HECTD2: variants seen among roughly 807,000 people sequenced by gnomAD.
The protein encoded by HECTD2 is probable E3 ubiquitin-protein ligase HECTD2.
In HECTD2, 35 loss-of-function variants were observed where a neutral mutation model predicts 103.2. The ratio of observed to expected loss-of-function variants is 0.34; its 90% confidence interval spans 0.26 to 0.45. The LOEUF (loss-of-function observed/expected upper bound fraction) is 0.45, where lower values mean the gene tolerates loss of function less well. Ranked by LOEUF, HECTD2 falls within the 20% of genes least tolerant of loss-of-function variation. HECTD2 has a pLI of 1.00. For missense variants in HECTD2, 596 were observed against 937.4 expected (o/e 0.64, Z 4.76); for synonymous variants, 281 against 329.9 (o/e 0.85, Z 1.61).
At chr10:91,462,398 T>C in intron 5 of HECTD2, 1 of 1,193,894 alleles carries the variant, frequency 8.4e-7, no homozygotes. Flanking sequence ...TATCCAATCC[T>C]TTTTTAGAAA....
At chr10:91,488,692 C>T (rs1386031614) in intron 11 of HECTD2, 2 of 152,076 alleles carry the variant, frequency 1.3e-5, no homozygotes, top group Non-Finnish European at 1.5e-5. Context: ...GTTTATTCTT[C>T]AGTAATTCAG....
intron 14 of HECTD2, among the ~76,000 whole-genome samples, chr10:91,495,921 T>C (rs1846647743): frequency 1.3e-5 from 2 of 152,174 alleles, no homozygotes; most frequent in South Asian, 4.1e-4. Flanking sequence ...GTAAAATAAT[T>C]ACAGGCAAGT....
chr10:91,413,475 T>A (rs1843002669), intron 1 of HECTD2, among the ~76,000 whole-genome samples: 1 of 152,200 alleles, frequency 6.6e-6, no homozygotes, highest in Non-Finnish European at 1.5e-5. Flanking sequence ...CACAGTAGAA[T>A]TAACTGAGAA....
intron 12 of HECTD2, among the ~76,000 whole-genome samples, chr10:91,492,051 T>G (rs888542288): frequency 6.6e-6 from 1 of 152,008 alleles, no homozygotes; most frequent in African/African-American, 2.4e-5. Context: ...GAAGGGGAGT[T>G]TTTTTTAAAA....
chr10:91,462,337 T>C (rs1339806076), intron 5 of HECTD2, 153 bp downstream of exon 5: 2 of 1,105,646 alleles, frequency 1.8e-6, no homozygotes, highest in Non-Finnish European at 2.4e-6. Flanking sequence ...TAAAGTTAGA[T>C]TATTTTATTC....
intron 7 of HECTD2, among the ~76,000 whole-genome samples, chr10:91,482,140 AT>A (rs1335966617): frequency 6.6e-6 from 1 of 151,812 alleles, no homozygotes; most frequent in Non-Finnish European, 1.5e-5. Flanking sequence ...CTCTGCTCAT[AT>A]TTTGTTCTTC....
chr10:91,419,111 G>A (rs1245256454), intron 1 of HECTD2, among the ~76,000 whole-genome samples: 1 of 151,972 alleles, frequency 6.6e-6, no homozygotes, highest in African/African-American at 2.4e-5. Context: ...TTCAAGGATT[G>A]GGTTAGAATG....
At chr10:91,454,444 T>TA (rs1332616009) in intron 2 of HECTD2, among the ~76,000 whole-genome samples, 1 of 151,996 alleles carries the variant, frequency 6.6e-6, no homozygotes, top group African/African-American at 2.4e-5. Context: ...CAAGGGAGGT[T>TA]AAAAAATCGA....
intron 14 of HECTD2, among the ~76,000 whole-genome samples, chr10:91,495,414 T>C (rs558263244): frequency 6.6e-6 from 1 of 152,184 alleles, no homozygotes; most frequent in South Asian, 2.1e-4. Context: ...ATTTTGGTGG[T>C]CTTCCAATTT....
At chr10:91,478,136 AT>A (rs1845973440) in intron 5 of HECTD2, 64 bp from the exon 6 acceptor site, 40 of 1,027,744 alleles carry the variant, frequency 3.9e-5, no homozygotes, top group Non-Finnish European at 6.0e-5. Context: ...TGTAAATATA[AT>A]TAACATATAA....
chr10:91,500,238 G>C (rs1846845952), intron 18 of HECTD2, among the ~76,000 whole-genome samples: 1 of 152,166 alleles, frequency 6.6e-6, no homozygotes, highest in South Asian at 2.1e-4. Flanking sequence ...TTTTGGAGAA[G>C]AGTAATTTGG....
chr10:91,421,811 ATTC>A (rs1256833848), intron 1 of HECTD2, among the ~76,000 whole-genome samples: 1 of 152,220 alleles, frequency 6.6e-6, no homozygotes, highest in East Asian at 1.9e-4. Flanking sequence ...AAATATGCCT[ATTC>A]TTCTGAAATT....
chr10:91,419,957 T>G (rs1452673462), intron 1 of HECTD2, among the ~76,000 whole-genome samples: 1 of 152,210 alleles, frequency 6.6e-6, no homozygotes. Context: ...TAACGTTTAA[T>G]TTAGTCTGGA....
chr10:91,505,789 G>T (rs1170383930), intron 20 of HECTD2, among the ~76,000 whole-genome samples: 1 of 152,142 alleles, frequency 6.6e-6, no homozygotes, highest in Non-Finnish European at 1.5e-5. Context: ...GACATCTACA[G>T]AACTCTCCAC....
At chr10:91,418,569 G>C (rs1324256977) in intron 1 of HECTD2, among the ~76,000 whole-genome samples, 1 of 152,064 alleles carries the variant, frequency 6.6e-6, no homozygotes, top group African/African-American at 2.4e-5. Context: ...AGGGAAGTTT[G>C]TACCTTGAAA....
chr10:91,421,545 T>G (rs1313662987), intron 1 of HECTD2, among the ~76,000 whole-genome samples: 1 of 152,256 alleles, frequency 6.6e-6, no homozygotes, highest in Non-Finnish European at 1.5e-5. Flanking sequence ...AGAAAGTTTA[T>G]GAATTTGTGT....
intron 2 of HECTD2, among the ~76,000 whole-genome samples, chr10:91,440,233 A>G (rs565685585): frequency 1.3e-5 from 2 of 152,152 alleles, no homozygotes; most frequent in Non-Finnish European, 2.9e-5. Flanking sequence ...AATAGCTCTT[A>G]TTAAGAGAAA....
At chr10:91,430,736 A>G (rs571825182) in intron 2 of HECTD2, among the ~76,000 whole-genome samples, 13 of 151,870 alleles carry the variant, frequency 8.6e-5, no homozygotes, top group Non-Finnish European at 1.9e-4. Context: ...TGCTTGGTAG[A>G]TCTTCCTCCC....
At chr10:91,430,176 T>C (rs919473637) in intron 2 of HECTD2, among the ~76,000 whole-genome samples, 6 of 152,234 alleles carry the variant, frequency 3.9e-5, no homozygotes, top group African/African-American at 1.2e-4. Flanking sequence ...AGTTTCCATG[T>C]AGTTGAGCAG....
Sources: allele counts gnomAD v4.1 joint callset (sites outside exome capture counted in the v4.1 genomes callset), GRCh38; gene constraint gnomAD v4.1.1; transcripts MANE v1.5; gene names NCBI Gene and HGNC (gene_info 2026-07-23, HGNC 2026-07-21).